TMEM26: variants seen among roughly 807,000 people sequenced by gnomAD.
The protein encoded by TMEM26 is transmembrane protein 26.
TMEM26 carries 38 observed loss-of-function variants against 28.8 expected under a neutral mutation model. The ratio of observed to expected loss-of-function variants is 1.32; its 90% confidence interval spans 1.02 to 1.73. TMEM26 has a LOEUF of 1.73. Ranked by LOEUF, TMEM26 falls within the 40% of genes most tolerant of loss-of-function variation. TMEM26 has a pLI of 0.00. For synonymous variants in TMEM26, 227 were observed against 182.9 expected, an observed-to-expected ratio of 1.24 and a Z score of -1.95; for missense variants, 518 against 447.1, an observed-to-expected ratio of 1.16 and a Z score of -1.43.
At chr10:61,439,850 T>C (rs1840063620) in intron 1 of TMEM26, among the ~76,000 whole-genome samples, 1 of 152,216 alleles carries the variant, frequency 6.6e-6, no homozygotes, top group African/African-American at 2.4e-5. Context: ...TTGTTATTTA[T>C]GCTTATGAAG....
At chr10:61,419,564 T>C (rs1334090270) in intron 4 of TMEM26, among the ~76,000 whole-genome samples, 1 of 152,060 alleles carries the variant, frequency 6.6e-6, no homozygotes, top group East Asian at 1.9e-4. Flanking sequence ...ACAATTGGAC[T>C]CTACATCTGG....
chr10:61,415,054 A>G, intron 4 of TMEM26: 1 of 985,360 alleles, frequency 1.0e-6, no homozygotes, highest in Non-Finnish European at 1.2e-6. Flanking sequence ...CTTGGTGGAC[A>G]TTGATGGAAG....
At chr10:61,430,083 T>A (rs1190652928) in intron 3 of TMEM26, among the ~76,000 whole-genome samples, 1 of 152,080 alleles carries the variant, frequency 6.6e-6, no homozygotes, top group Admixed American at 6.6e-5. Flanking sequence ...ATATTAGTAC[T>A]ATGAAACTTT....
intron 4 of TMEM26, among the ~76,000 whole-genome samples, chr10:61,415,554 T>C (rs531135816): frequency 2.6e-5 from 4 of 152,072 alleles, no homozygotes; most frequent in Admixed American, 6.6e-5. Context: ...ACAATTGTTA[T>C]CTCTATTTTA....
intron 4 of TMEM26, among the ~76,000 whole-genome samples, chr10:61,427,199 A>T (rs1051658487): frequency 6.6e-6 from 1 of 152,154 alleles, no homozygotes; most frequent in Non-Finnish European, 1.5e-5. Context: ...CAAGTTTAAA[A>T]TTATAAAAAT....
chr10:61,431,072 A>T (rs10821890), intron 3 of TMEM26, 147 bp downstream of exon 3: 110,860 of 595,056 alleles, frequency 0.19, 11,272 homozygotes, highest in Middle Eastern at 0.31. Flanking sequence ...ATTTAAAAAT[A>T]TAATTATTTT....
chr10:61,440,136 A>G (rs1469611608), intron 1 of TMEM26, among the ~76,000 whole-genome samples: 1 of 152,092 alleles, frequency 6.6e-6, no homozygotes, highest in Non-Finnish European at 1.5e-5. Flanking sequence ...GGTACTCCAT[A>G]GGCTGAGGCA....
At chr10:61,411,016 G>C (rs927172497) in intron 5 of TMEM26, among the ~76,000 whole-genome samples, 1 of 152,176 alleles carries the variant, frequency 6.6e-6, no homozygotes, top group Non-Finnish European at 1.5e-5. Context: ...GATTCTAGGA[G>C]CCAGTCATGG....
intron 2 of TMEM26, among the ~76,000 whole-genome samples, 185 bp downstream of exon 2, chr10:61,435,985 T>A (rs939481723): frequency 6.6e-6 from 1 of 152,176 alleles, no homozygotes; most frequent in Non-Finnish European, 1.5e-5. Flanking sequence ...TGTAATTTTT[T>A]TATTGGAGTT....
rs766558048 is a variant in TMEM26 at position 61,410,312 on chromosome 10, C to A, written c.*10G>T. 3 of 1,597,668 alleles carry A rather than the reference C, an allele frequency of 1.9e-6. No homozygotes were observed. The highest frequency in any genetic ancestry group is 1.7e-6 in the Non-Finnish European group (2 of 1,169,744). On this transcript the variant is annotated 3_prime_UTR_variant, in exon 6 of 6. Transcript: ENST00000399298. ...TCAGGTTCTAGCCGCAGACCACTGTCAATCAATAACTAAGGGGTGTGGTGG... is the reference window on the plus strand; with the variant it reads ...TCAGGTTCTAGCCGCAGACCACTGTAAATCAATAACTAAGGGGTGTGGTGG...
intron 4 of TMEM26, among the ~76,000 whole-genome samples, chr10:61,426,494 G>C (rs1431470420): frequency 6.6e-6 from 1 of 151,900 alleles, no homozygotes. Context: ...ATAAAACTTA[G>C]GTAGATGAAC....
chr10:61,440,989 C>A (rs1840083219), intron 1 of TMEM26, among the ~76,000 whole-genome samples: 1 of 152,064 alleles, frequency 6.6e-6, no homozygotes, highest in Non-Finnish European at 1.5e-5. Context: ...CTTATAATAC[C>A]TGATATAGCT....
At position 61,449,149 on chromosome 10, in the gene TMEM26, T is replaced by C. The variant is rs529300499; in HGVS notation, c.191+3742A>G. ...ATATGCAGGTGAAATAGATAAATAT[T>C]AGGTGAAAAAAAGCAAACTCCAGGA... is the stretch of plus-strand genomic sequence containing the variant. On this transcript the variant is annotated intron_variant, in intron 1 of 5. Transcript: ENST00000399298. 3.8e-3 allele frequency among the ~76,000 whole-genome samples: 575 copies of C among 152,324 alleles called. 4 individuals carry two copies. The highest frequency in any genetic ancestry group is 0.013 in the African/African-American group (550 of 41,582).
At chr10:61,411,127 T>C (rs1839563324) in intron 5 of TMEM26, among the ~76,000 whole-genome samples, 1 of 152,172 alleles carries the variant, frequency 6.6e-6, no homozygotes, top group South Asian at 2.1e-4. Flanking sequence ...GGGTCCACAG[T>C]GTAAGGAAGC....
chr10:61,445,598 A>G (rs920926755), intron 1 of TMEM26, among the ~76,000 whole-genome samples: 2 of 152,236 alleles, frequency 1.3e-5, no homozygotes, highest in Non-Finnish European at 2.9e-5. Context: ...GGCATGTTAC[A>G]TTAACAAGCC....
intron 1 of TMEM26, among the ~76,000 whole-genome samples, chr10:61,451,361 G>T (rs1840276957): frequency 6.6e-6 from 1 of 152,206 alleles, no homozygotes; most frequent in Non-Finnish European, 1.5e-5. Flanking sequence ...TTCTGAGGCT[G>T]AAGGTCTCCT....
chr10:61,411,408 G>A (rs1016621790), intron 5 of TMEM26, among the ~76,000 whole-genome samples: 2 of 152,148 alleles, frequency 1.3e-5, no homozygotes, highest in African/African-American at 4.8e-5. Flanking sequence ...CTTAAGAAAC[G>A]GAGCAAAGTG....
intron 4 of TMEM26, among the ~76,000 whole-genome samples, chr10:61,427,804 G>C (rs1434133365): frequency 6.6e-6 from 1 of 151,978 alleles, no homozygotes; most frequent in Non-Finnish European, 1.5e-5. Flanking sequence ...TATGTGCTCT[G>C]TCATGATTGC....
chr10:61,431,680 C>T (rs375051711), intron 2 of TMEM26, among the ~76,000 whole-genome samples: 3 of 151,842 alleles, frequency 2.0e-5, no homozygotes, highest in African/African-American at 7.3e-5. Context: ...TGACAACAAT[C>T]AAACATATAT....
Sources: gnomAD v4.1 joint callset for allele counts (sites outside exome capture counted in the v4.1 genomes callset) on GRCh38, gnomAD v4.1.1 for gene constraint, MANE v1.5 for transcripts, NCBI Gene and HGNC (gene_info 2026-07-23, HGNC 2026-07-21) for gene names.